Variants in GRIN2A observed in about 807,000 individuals in gnomAD.
The protein encoded by GRIN2A is glutamate ionotropic receptor NMDA type subunit 2A.
Under a neutral mutation model 113.4 loss-of-function variants are expected in GRIN2A, and 22 were observed. The observed-to-expected ratio is 0.19, with a 90% CI of 0.14 to 0.28. The LOEUF (loss-of-function observed/expected upper bound fraction) is 0.28, where lower values mean the gene tolerates loss of function less well. Ranked by LOEUF, GRIN2A falls within the 10% of genes least tolerant of loss-of-function variation. The pLI, the probability that GRIN2A is intolerant of heterozygous loss-of-function variation, is 1.00. For synonymous variants in GRIN2A, 827 were observed against 738.4 expected, an observed-to-expected ratio of 1.12 and a Z score of -1.94; for missense variants, 1,502 against 1,887.0, an observed-to-expected ratio of 0.80 and a Z score of 3.78.
intron 2 of GRIN2A, among the ~76,000 whole-genome samples, chr16:10,101,337 C>T (rs2048389954): frequency 6.6e-6 from 1 of 152,188 alleles, no homozygotes; most frequent in African/African-American, 2.4e-5. Context: ...CCAACTGGCT[C>T]ACCTTGGAGA....
Position 9,763,093 on chromosome 16 carries a change from C to T in GRIN2A, c.*56G>A, listed in dbSNP as rs1900658521. 1.9e-6 allele frequency: 3 copies of T among 1,555,168 alleles called. No individual in the cohort carries two copies. The highest frequency in any genetic ancestry group is 3.3e-5 in the Admixed American group (2 of 59,836). On this transcript the variant is annotated 3_prime_UTR_variant, in exon 13 of 13. Transcript: ENST00000330684. The stretch of plus-strand genomic sequence containing the variant: ...TATTGGACATCCAACATTTACCCTC[C>T]AGAACATTGGCCATTACGTATATTT...
chr16:9,778,069 C>G (rs990079308), intron 11 of GRIN2A, among the ~76,000 whole-genome samples: 1 of 152,080 alleles, frequency 6.6e-6, no homozygotes. Context: ...GTCTCAAAAA[C>G]AACAACAACA....
intron 3 of GRIN2A, 129 bp downstream of exon 3, chr16:9,937,830 G>T (rs1410998077): frequency 4.3e-6 from 3 of 703,622 alleles, no homozygotes; most frequent in Middle Eastern, 3.3e-4. Context: ...CAAAATAAAA[G>T]TCCCGTAAGT....
At chr16:10,080,159 C>T (rs1454000225) in intron 2 of GRIN2A, among the ~76,000 whole-genome samples, 3 of 152,184 alleles carry the variant, frequency 2.0e-5, no homozygotes, top group African/African-American at 7.2e-5. Context: ...AGAGTATATT[C>T]AGGGCTTAGC....
At chr16:9,944,389 T>A (rs2044965442) in intron 2 of GRIN2A, among the ~76,000 whole-genome samples, 1 of 152,124 alleles carries the variant, frequency 6.6e-6, no homozygotes, top group South Asian at 2.1e-4. Context: ...TTGGTCACAC[T>A]GGAAAACAAC....
At chr16:9,827,492 G>A (rs1055966654) in intron 9 of GRIN2A, among the ~76,000 whole-genome samples, 2 of 152,232 alleles carry the variant, frequency 1.3e-5, no homozygotes, top group Admixed American at 1.3e-4. Flanking sequence ...CCGTCCTGCA[G>A]GGAGCTCCAG....
chr16:10,151,938 G>C (rs960218573), intron 2 of GRIN2A, among the ~76,000 whole-genome samples: 4 of 152,178 alleles, frequency 2.6e-5, no homozygotes, highest in Admixed American at 6.5e-5. Flanking sequence ...ATTCAAACCA[G>C]CAGGAAGAGA....
intron 4 of GRIN2A, among the ~76,000 whole-genome samples, chr16:9,861,688 C>A (rs2043071368): frequency 1.3e-5 from 2 of 152,168 alleles, no homozygotes; most frequent in Admixed American, 6.5e-5. Context: ...TCCCAGAAAA[C>A]CAGTCTGCTG....
At position 9,762,883 on chromosome 16, in the gene GRIN2A, G is replaced by T; in HGVS notation, c.*266C>A. 1 of 549,342 alleles carries T rather than the reference G, an allele frequency of 1.8e-6. No homozygotes were observed. The highest frequency in any genetic ancestry group is 2.3e-5 in the South Asian group (1 of 43,944). The allele number at this position is 549,342 out of a possible 1,614,324, so 34.0% of individuals were successfully genotyped here. On this transcript the variant is annotated 3_prime_UTR_variant, in exon 13 of 13. Coordinates refer to ENST00000330684, the MANE Select transcript of GRIN2A (RefSeq NM_001134407.3). ...CAACATACCCAGTAGGCATGTCCCG[G>T]AGACTTGCCCTTATGTAGTTAGTTA...
intron 2 of GRIN2A, among the ~76,000 whole-genome samples, chr16:10,115,507 G>A (rs2048713772): frequency 1.3e-5 from 2 of 152,176 alleles, no homozygotes; most frequent in African/African-American, 4.8e-5. Context: ...CACACCCTGG[G>A]GCCTGCGCCC....
intron 9 of GRIN2A, 132 bp downstream of exon 9, chr16:9,829,291 A>G (rs1356353669): frequency 3.0e-6 from 2 of 657,800 alleles, no homozygotes; most frequent in Non-Finnish European, 5.5e-6. Flanking sequence ...TTTGAGTTAA[A>G]GAGAAAAAAC....
Position 9,772,922 on chromosome 16 carries a change from C to CCA in GRIN2A, c.2357-3834_2357-3833insTG, listed in dbSNP as rs777635808. Among the ~76,000 whole-genome samples, 618 of 104,978 alleles carry CCA rather than the reference C, an allele frequency of 5.9e-3. 3 individuals carry two copies. The highest frequency in any genetic ancestry group is 0.022 in the African/African-American group (588 of 26,816). The allele number at this position is 104,978 out of a possible 152,430, so 68.9% of individuals were successfully genotyped here. A position where few individuals can be genotyped will look rare whatever the true frequency, so the allele number is the denominator to read the frequency against. On this transcript the variant is annotated intron_variant, in intron 11 of 12. Transcript: ENST00000330684. ...AACATGGTAAAGCAGACTTCAATTTCAAAAAAAAAAAAAAAAAAAAAGAGC... is the reference window on the plus strand; with the variant it reads ...AACATGGTAAAGCAGACTTCAATTTCCAAAAAAAAAAAAAAAAAAAAAAGAGC...
At chr16:10,093,755 T>A (rs2048230877) in intron 2 of GRIN2A, among the ~76,000 whole-genome samples, 1 of 152,210 alleles carries the variant, frequency 6.6e-6, no homozygotes, top group African/African-American at 2.4e-5. Context: ...ATACAGTTCC[T>A]CACCTCTTGA....
intron 10 of GRIN2A, among the ~76,000 whole-genome samples, chr16:9,813,055 G>A (rs1461806022): frequency 1.3e-5 from 2 of 152,240 alleles, no homozygotes; most frequent in African/African-American, 2.4e-5. Flanking sequence ...GATGCTACAG[G>A]ACGACATTCT....
chr16:9,960,907 T>G (rs998688457), intron 2 of GRIN2A, among the ~76,000 whole-genome samples: 1 of 152,244 alleles, frequency 6.6e-6, no homozygotes, highest in Non-Finnish European at 1.5e-5. Flanking sequence ...ATTACAGGCA[T>G]GAGCCACCGC....
intron 4 of GRIN2A, among the ~76,000 whole-genome samples, chr16:9,859,077 A>C (rs2043016510): frequency 6.6e-6 from 1 of 152,150 alleles, no homozygotes; most frequent in Non-Finnish European, 1.5e-5. Context: ...TGCCTACAAA[A>C]TCAAATCCAG....
At chr16:9,999,214 G>C (rs1260245378) in intron 2 of GRIN2A, among the ~76,000 whole-genome samples, 1 of 152,174 alleles carries the variant, frequency 6.6e-6, no homozygotes, top group Non-Finnish European at 1.5e-5. Flanking sequence ...AAGAATCCAA[G>C]TTCTGGTATC....
intron 2 of GRIN2A, among the ~76,000 whole-genome samples, chr16:9,969,270 A>T (rs75428699): frequency 0.086 from 13,098 of 151,976 alleles, 655 homozygotes; most frequent in Non-Finnish European, 0.1. Context: ...TTTCTCCTTG[A>T]CACACTCTCC....
Position 10,058,500 on chromosome 16 carries a change from T to G in GRIN2A, c.415-119949A>C, listed in dbSNP as rs1045786891. On this transcript the variant is annotated intron_variant, in intron 2 of 12. Coordinates refer to ENST00000330684, the MANE Select transcript of GRIN2A (RefSeq NM_001134407.3). ...CAAAAGTAAATAATTCTGAAATATC[T>G]ACAACAATGATAATGTGATAAGAAA... Among the ~76,000 whole-genome samples the G allele has an allele frequency of 1.3e-4, 20 of 152,326 alleles. No homozygotes were observed. The East Asian group carries it at 3.7e-3, about 28-fold the overall frequency.
Sources: gnomAD v4.1 joint callset for allele counts (sites outside exome capture counted in the v4.1 genomes callset) on GRCh38, gnomAD v4.1.1 for gene constraint, MANE v1.5 for transcripts, NCBI Gene and HGNC (gene_info 2026-07-23, HGNC 2026-07-21) for gene names.